SLC25A21: variants seen among roughly 807,000 people sequenced by gnomAD.
SLC25A21 encodes solute carrier family 25 member 21, also known as mitochondrial 2-oxodicarboxylate carrier.
A neutral mutation model predicts 43.8 loss-of-function variants in SLC25A21; 47 were observed. That is an observed-to-expected ratio of 1.07 (90% CI 0.85 to 1.37). The LOEUF is 1.37. Among genes scored for constraint, SLC25A21 ranks in the 40% most tolerant of loss-of-function variants. The probability of loss-of-function intolerance (pLI) is 0.00; values close to 1 mark genes in which losing one functional copy is unlikely to be tolerated. For missense variants in SLC25A21, 352 were observed against 350.2 expected, an observed-to-expected ratio of 1.00 and a Z score of -0.04; for synonymous variants, 131 against 121.3, an observed-to-expected ratio of 1.08 and a Z score of -0.52.
At chr14:36,726,014 T>C (rs1234000197) in intron 5 of SLC25A21, among the ~76,000 whole-genome samples, 1 of 152,202 alleles carries the variant, frequency 6.6e-6, no homozygotes, top group African/African-American at 2.4e-5. Context: ...ATTAAGAGAA[T>C]TTGAATTGTA....
chr14:37,029,379 T>C (rs573431524), intron 1 of SLC25A21, among the ~76,000 whole-genome samples: 1 of 152,180 alleles, frequency 6.6e-6, no homozygotes, highest in Non-Finnish European at 1.5e-5. Context: ...TATTTCTTTT[T>C]TTCAAGAAAT....
At chr14:37,058,666 G>A (rs1467138590) in intron 1 of SLC25A21, among the ~76,000 whole-genome samples, 1 of 152,160 alleles carries the variant, frequency 6.6e-6, no homozygotes, top group Non-Finnish European at 1.5e-5. Flanking sequence ...GACATATATT[G>A]TTACAATATC....
chr14:36,698,985 TGGA>T (rs1399271572), intron 7 of SLC25A21, among the ~76,000 whole-genome samples: 3 of 152,206 alleles, frequency 2.0e-5, no homozygotes, highest in Non-Finnish European at 2.9e-5. Flanking sequence ...TGCGATCTTT[TGGA>T]GGAGTAGAAG....
chr14:36,875,372 A>G (rs985935221), intron 1 of SLC25A21, among the ~76,000 whole-genome samples: 2 of 152,172 alleles, frequency 1.3e-5, no homozygotes, highest in African/African-American at 4.8e-5. Flanking sequence ...AAGAAGGAAG[A>G]GCAGGAGGCT....
chr14:36,975,595 A>C (rs1352961363), intron 1 of SLC25A21, among the ~76,000 whole-genome samples: 1 of 152,232 alleles, frequency 6.6e-6, no homozygotes, highest in Non-Finnish European at 1.5e-5. Context: ...CCAATGGTTA[A>C]AATGTAATTT....
chr14:36,985,278 T>C (rs1690454607), intron 1 of SLC25A21, among the ~76,000 whole-genome samples: 1 of 151,740 alleles, frequency 6.6e-6, no homozygotes, highest in African/African-American at 2.4e-5. Flanking sequence ...TATATATATG[T>C]AACTAACCTG....
At chr14:37,071,349 C>T (rs1030933876) in intron 1 of SLC25A21, among the ~76,000 whole-genome samples, 1 of 152,168 alleles carries the variant, frequency 6.6e-6, no homozygotes, top group African/African-American at 2.4e-5. Context: ...TGGATAAGCA[C>T]TTATTAGTTA....
In SLC25A21 at chr14:37,022,621, G is replaced by A. The variant is rs562186644; in HGVS notation, c.71-147617C>T. On this transcript the variant is annotated intron_variant, in intron 1 of 9. Transcript: ENST00000331299. Reference sequence around the variant, plus strand: ...TCACCATATTTTATTTTGTCTACGAGTTTTGCTTTGAGTTTTTCCCAGCTC... The same window carrying A: ...TCACCATATTTTATTTTGTCTACGAATTTTGCTTTGAGTTTTTCCCAGCTC... Among the ~76,000 whole-genome samples, 14 of 152,006 alleles carry A rather than the reference G, an allele frequency of 9.2e-5. No homozygotes were observed. In the South Asian group the frequency reaches 1.9e-3, roughly 20 times the overall value.
chr14:36,902,440 AACACACACAC>A (rs3061763), intron 1 of SLC25A21, among the ~76,000 whole-genome samples: 2 of 150,044 alleles, frequency 1.3e-5, no homozygotes, highest in Non-Finnish European at 3.0e-5. Context: ...CGTATAGTAA[AACACACACAC>A]ACACACACAC....
intron 1 of SLC25A21, among the ~76,000 whole-genome samples, chr14:36,928,871 T>C (rs1892206379): frequency 6.6e-6 from 1 of 152,120 alleles, no homozygotes; most frequent in African/African-American, 2.4e-5. Flanking sequence ...AAACTAACAC[T>C]ATAAGCATCA....
intron 1 of SLC25A21, among the ~76,000 whole-genome samples, chr14:37,127,133 T>C (rs1426405661): frequency 6.6e-6 from 1 of 152,130 alleles, no homozygotes; most frequent in Non-Finnish European, 1.5e-5. Context: ...TAAACAGCGC[T>C]AGGTTAGACT....
chr14:36,918,441 G>T (rs1566737695), intron 1 of SLC25A21, among the ~76,000 whole-genome samples: 2 of 152,256 alleles, frequency 1.3e-5, no homozygotes, highest in Middle Eastern at 3.4e-3. Context: ...TTATTGAAAA[G>T]CTATTATTCT....
chr14:36,881,205 C>T (rs936849660), intron 1 of SLC25A21, among the ~76,000 whole-genome samples: 10 of 152,082 alleles, frequency 6.6e-5, no homozygotes, highest in South Asian at 4.1e-4. Context: ...CAAAAACTAA[C>T]GACAGAAAAC....
chr14:36,788,773 G>A (rs41490345), intron 3 of SLC25A21: 28,143 of 151,624 alleles, frequency 0.19, 2,888 homozygotes, highest in East Asian at 0.3. Flanking sequence ...TCCTTCCTAA[G>A]AGAACCTCAT....
intron 1 of SLC25A21, among the ~76,000 whole-genome samples, chr14:36,878,222 A>T (rs1313042827): frequency 2.0e-5 from 3 of 152,196 alleles, no homozygotes; most frequent in African/African-American, 7.2e-5. Flanking sequence ...CATCTATGAA[A>T]CTACCTGCAA....
intron 1 of SLC25A21, among the ~76,000 whole-genome samples, chr14:37,006,927 T>A (rs187509237): frequency 3.3e-5 from 5 of 152,194 alleles, no homozygotes; most frequent in African/African-American, 1.2e-4. Flanking sequence ...GTGGAATCTT[T>A]ACAATCTCCT....
chr14:36,862,805 T>G (rs1476921127), intron 2 of SLC25A21, among the ~76,000 whole-genome samples: 1 of 152,158 alleles, frequency 6.6e-6, no homozygotes, highest in Non-Finnish European at 1.5e-5. Context: ...GGCATAACAC[T>G]TAGAAAAATA....
At chr14:36,985,770 T>C (rs1044626941) in intron 1 of SLC25A21, among the ~76,000 whole-genome samples, 1 of 152,182 alleles carries the variant, frequency 6.6e-6, no homozygotes, top group African/African-American at 2.4e-5. Flanking sequence ...CATTCTTATG[T>C]AAAAAGATCC....
chr14:36,829,876 T>C (rs1888970494), intron 2 of SLC25A21, among the ~76,000 whole-genome samples: 2 of 152,130 alleles, frequency 1.3e-5, no homozygotes, highest in South Asian at 4.1e-4. Context: ...CTGGTAAAAC[T>C]TTCCCTCTTT....
Sources: gnomAD v4.1 joint callset for allele counts (sites outside exome capture counted in the v4.1 genomes callset) on GRCh38, gnomAD v4.1.1 for gene constraint, MANE v1.5 for transcripts, NCBI Gene and HGNC (gene_info 2026-07-23, HGNC 2026-07-21) for gene names.